KCNH7: variants seen among roughly 807,000 people sequenced by gnomAD.
KCNH7 encodes voltage-gated inwardly rectifying potassium channel KCNH7.
A neutral mutation model predicts 120.8 loss-of-function variants in KCNH7; 49 were observed. That is an observed-to-expected ratio of 0.41 (90% confidence interval 0.32 to 0.51). The LOEUF (loss-of-function observed/expected upper bound fraction) is 0.51. Among genes scored for constraint, KCNH7 ranks in the 20% least tolerant of loss-of-function variants. KCNH7 has a pLI of 0.38. For synonymous variants in KCNH7, 547 were observed against 516.1 expected, an observed-to-expected ratio of 1.06 and a Z score of -0.81; for missense variants, 1,097 against 1,446.6, an observed-to-expected ratio of 0.76 and a Z score of 3.92.
In KCNH7 at chr2:162,624,094, A is replaced by G. The variant is rs145946927; in HGVS notation, c.308-87014T>C. ...TATACACTGCCTGCCCACCTCCTCC[A>G]TTAGTCAGGGACATGGTCTGCTCCT... is the stretch of plus-strand genomic sequence containing the variant. On this transcript the variant is annotated intron_variant, in intron 2 of 15. Coordinates refer to ENST00000332142, the MANE Select transcript of KCNH7 (RefSeq NM_033272.4). Among the ~76,000 whole-genome samples, 800 of 152,196 alleles carry G rather than the reference A, an allele frequency of 5.3e-3. 10 individuals carry two copies. Among genetic ancestry groups the G allele is most frequent in the African/African-American group, 0.018 (763 of 41,522 alleles).
At chr2:162,713,632 C>T (rs1052655507) in intron 2 of KCNH7, among the ~76,000 whole-genome samples, 5 of 151,610 alleles carry the variant, frequency 3.3e-5, no homozygotes, top group South Asian at 4.2e-4. Flanking sequence ...ATGTTTATTT[C>T]GATAAAAAAT....
chr2:162,610,221 G>GA (rs2105970016), intron 2 of KCNH7, among the ~76,000 whole-genome samples: 1 of 152,306 alleles, frequency 6.6e-6, no homozygotes, highest in African/African-American at 2.4e-5. Flanking sequence ...AATATAACCT[G>GA]AGAGGTTATG....
intron 7 of KCNH7, 64 bp downstream of exon 7, chr2:162,445,954 T>C: frequency 7.6e-7 from 1 of 1,315,622 alleles, no homozygotes; most frequent in South Asian, 1.5e-5. Context: ...CTTTTTGCAG[T>C]TAAAATAGAT....
chr2:162,470,930 T>G (rs1247802699), intron 6 of KCNH7, among the ~76,000 whole-genome samples: 3 of 152,230 alleles, frequency 2.0e-5, no homozygotes, highest in African/African-American at 7.2e-5. Flanking sequence ...GGGATCCTGT[T>G]GATCTCTGAC....
intron 2 of KCNH7, among the ~76,000 whole-genome samples, chr2:162,771,273 T>G (rs1199081868): frequency 3.3e-5 from 5 of 152,168 alleles, no homozygotes; most frequent in Admixed American, 6.6e-5. Context: ...CCACTCTACA[T>G]GTTATTGTTA....
At chr2:162,716,111 AT>A (rs1445939970) in intron 2 of KCNH7, among the ~76,000 whole-genome samples, 1 of 152,170 alleles carries the variant, frequency 6.6e-6, no homozygotes, top group Non-Finnish European at 1.5e-5. Flanking sequence ...ATGTCTATCT[AT>A]ATAAAATAGG....
chr2:162,446,273 G>C lies in KCNH7; in HGVS notation c.1299C>G (p.Leu433=). The C allele has an allele frequency of 6.2e-7, 1 of 1,613,952 alleles. No homozygotes were observed. Among genetic ancestry groups the C allele is most frequent in the African/African-American group, 1.3e-5 (1 of 75,042 alleles). Residue 433 remains leucine (L), a synonymous_variant, in exon 7 of 16, where the codon CTC becomes CTG. Transcript: ENST00000332142. ...IFTPYSAAFL[L]NDREEQKRRE... ...GTCTTTTCTGTTCTTCTCTGTCATT[G>C]AGGAGGAAGGCTGCAGAGTAGGGAG...
intron 2 of KCNH7, among the ~76,000 whole-genome samples, chr2:162,740,532 T>A (rs1688088306): frequency 6.6e-6 from 1 of 152,012 alleles, no homozygotes; most frequent in African/African-American, 2.4e-5. Flanking sequence ...GATTCAGGAG[T>A]ACATCGAATT....
At chr2:162,538,643 C>T (rs1340291435) in intron 2 of KCNH7, among the ~76,000 whole-genome samples, 1 of 152,044 alleles carries the variant, frequency 6.6e-6, no homozygotes, top group Non-Finnish European at 1.5e-5. Context: ...AAAACTCTTT[C>T]CTTTCTTCTT....
chr2:162,742,859 G>C (rs984408733), intron 2 of KCNH7, among the ~76,000 whole-genome samples: 1 of 152,192 alleles, frequency 6.6e-6, no homozygotes, highest in African/African-American at 2.4e-5. Flanking sequence ...GTAGTGGAAG[G>C]ATTTTTTTTG....
At chr2:162,648,893 T>C (rs1684472744) in intron 2 of KCNH7, among the ~76,000 whole-genome samples, 1 of 152,188 alleles carries the variant, frequency 6.6e-6, no homozygotes, top group South Asian at 2.1e-4. Flanking sequence ...TCTCTTAAGT[T>C]TCCAGTAGAT....
At chr2:162,591,275 C>T (rs1694208508) in intron 2 of KCNH7, among the ~76,000 whole-genome samples, 3 of 151,884 alleles carry the variant, frequency 2.0e-5, no homozygotes, top group Admixed American at 2.0e-4. Context: ...TGTCTTATCA[C>T]AATAGAATGT....
intron 2 of KCNH7, among the ~76,000 whole-genome samples, chr2:162,765,869 C>T (rs1431352175): frequency 6.6e-6 from 1 of 152,106 alleles, no homozygotes; most frequent in Non-Finnish European, 1.5e-5. Context: ...AAATGATCCT[C>T]CGGCCTCAGC....
chr2:162,540,720 T>C (rs1692274942), intron 2 of KCNH7, among the ~76,000 whole-genome samples: 1 of 152,078 alleles, frequency 6.6e-6, no homozygotes, highest in African/African-American at 2.4e-5. Flanking sequence ...GATCTGAAGC[T>C]TTTCACTGTG....
chr2:162,488,939 C>T (rs1690198242), intron 6 of KCNH7, among the ~76,000 whole-genome samples: 1 of 152,130 alleles, frequency 6.6e-6, no homozygotes, highest in South Asian at 2.1e-4. Flanking sequence ...CAGTTGGCTA[C>T]CAGGATTTCA....
At chr2:162,744,635 T>C (rs1437512881) in intron 2 of KCNH7, among the ~76,000 whole-genome samples, 2 of 149,682 alleles carry the variant, frequency 1.3e-5, no homozygotes, top group Non-Finnish European at 3.0e-5. Flanking sequence ...TGCAGTGGCG[T>C]GATCTCCGCT....
intron 2 of KCNH7, among the ~76,000 whole-genome samples, chr2:162,584,205 C>T (rs1352330082): frequency 1.3e-5 from 2 of 152,100 alleles, no homozygotes; most frequent in African/African-American, 4.8e-5. Context: ...ATACCATATG[C>T]TGTTTGATGA....
chr2:162,401,250 A>T (rs1002840449), intron 9 of KCNH7, among the ~76,000 whole-genome samples: 1 of 152,054 alleles, frequency 6.6e-6, no homozygotes, highest in East Asian at 1.9e-4. Flanking sequence ...CTATTTTCAT[A>T]CAATTCTCAA....
chr2:162,773,147 G>A (rs1683116169), intron 2 of KCNH7, among the ~76,000 whole-genome samples: 1 of 152,108 alleles, frequency 6.6e-6, no homozygotes. Flanking sequence ...CCTTAAACAA[G>A]ATAATTTGTA....
Sources: gnomAD v4.1 joint callset for allele counts (sites outside exome capture counted in the v4.1 genomes callset) on GRCh38, gnomAD v4.1.1 for gene constraint, MANE v1.5 for transcripts, NCBI Gene and HGNC (gene_info 2026-07-23, HGNC 2026-07-21) for gene names.